The following CFAP46 variants were observed in gnomAD, a reference collection of about 807,000 sequenced individuals.
CFAP46 encodes the protein cilia and flagella associated protein 46.
Under a neutral mutation model 325.7 loss-of-function variants are expected in CFAP46, and 245 were observed. That is an observed-to-expected ratio of 0.75 (90% CI 0.68 to 0.84). The LOEUF is 0.84. CFAP46 is among the 40% of genes least tolerant of loss of function. The probability of loss-of-function intolerance (pLI) is 0.00; values close to 1 mark genes in which losing one functional copy is unlikely to be tolerated. For missense variants in CFAP46, 3,346 were observed against 3,543.0 expected, an observed-to-expected ratio of 0.94 and a Z score of 1.41; for synonymous variants, 1,523 against 1,495.9, an observed-to-expected ratio of 1.02 and a Z score of -0.42.
At position 132,924,688 on chromosome 10, in the gene CFAP46, C is replaced by A; in HGVS notation, c.1256+8G>T. The A allele has an allele frequency of 6.6e-7, 1 of 1,507,236 alleles. No homozygotes were observed. 93.4% of individuals were successfully genotyped at this position (1,507,236 alleles called of 1,614,324 possible). ...CTGTGGAGGACACAGCACAGGTGAG[C>A]GCCCCACCTGTCCAGCTTCTCCAGC... On this transcript the variant is annotated splice_region_variant and intron_variant, in intron 11 of 57. Coordinates refer to ENST00000368586, the MANE Select transcript of CFAP46 (RefSeq NM_001200049.3).
intron 39 of CFAP46, among the ~76,000 whole-genome samples, chr10:132,851,730 C>T (rs1394190081): frequency 6.6e-6 from 1 of 152,262 alleles, no homozygotes; most frequent in Non-Finnish European, 1.5e-5. Context: ...ACCGTGTGCA[C>T]GCGCCACACC....
chr10:132,820,934 C>T (rs866550644), intron 50 of CFAP46, among the ~76,000 whole-genome samples: 88 of 76,408 alleles, frequency 1.2e-3, no homozygotes, highest in African/African-American at 2.7e-3. Context: ...GCTGTGTGTG[C>T]GCTGATGTGT....
intron 50 of CFAP46, among the ~76,000 whole-genome samples, chr10:132,818,580 C>T (rs1353402141): frequency 2.0e-5 from 3 of 152,064 alleles, no homozygotes; most frequent in African/African-American, 4.8e-5. Flanking sequence ...AGGCCAGGTG[C>T]GGTGGTTCAT....
intron 50 of CFAP46, among the ~76,000 whole-genome samples, chr10:132,820,733 G>T (rs1229120788): frequency 3.8e-4 from 33 of 87,352 alleles, no homozygotes; most frequent in Non-Finnish European, 2.8e-4. Context: ...TGCTGTGTGT[G>T]CACTGATGTG....
At position 132,828,508 on chromosome 10, in the gene CFAP46, T is replaced by C. The variant is rs1333810303; in HGVS notation, c.7117+4850A>G. On this transcript the variant is annotated intron_variant, in intron 50 of 57. Transcript: ENST00000368586. This position sits in a 1 kb window ranked among gnomAD's most constrained non-coding sequence, Gnocchi z 4.9. ...GCTATCTAAATCTTTTCTCGTGAAG[T>C]ATCTGTTCAAATCTTTTTTAGGGTT... is the stretch of plus-strand genomic sequence containing the variant. 6.6e-6 allele frequency among the ~76,000 whole-genome samples: 1 copy of C among 152,236 alleles called. No homozygotes were observed. The highest frequency in any genetic ancestry group is 1.5e-5 in the Non-Finnish European group (1 of 68,042).
chr10:132,814,080 G>A (rs1847638797), intron 54 of CFAP46, 72 bp downstream of exon 54: 3 of 1,212,882 alleles, frequency 2.5e-6, no homozygotes, highest in African/African-American at 1.5e-5. Context: ...CCGGGGGTAG[G>A]GGGCAGTGGC....
chr10:132,855,877 TAGA>T lies in CFAP46; in HGVS notation c.5574+1710_5574+1712del, dbSNP rs1026107160. Among the ~76,000 whole-genome samples, 4 of 152,240 alleles carry T rather than the reference TAGA, an allele frequency of 2.6e-5. No individual in the cohort carries two copies. In the East Asian group the frequency reaches 5.8e-4, roughly 22 times the overall value. The stretch of plus-strand genomic sequence containing the variant: ...GCCAATTATCTTTTAGAGTGATTTT[TAGA>T]AGAAGAATTGGACACAATTTCCCCT... On this transcript the variant is annotated intron_variant, in intron 39 of 57. Transcript: ENST00000368586.
intron 22 of CFAP46, among the ~76,000 whole-genome samples, chr10:132,900,050 A>G (rs1409600603): frequency 6.6e-6 from 1 of 152,214 alleles, no homozygotes; most frequent in Non-Finnish European, 1.5e-5. Context: ...TGACTCTCAC[A>G]GTAACCTTAT....
At chr10:132,913,681 G>A (rs998783980) in intron 17 of CFAP46, among the ~76,000 whole-genome samples, 1 of 152,306 alleles carries the variant, frequency 6.6e-6, no homozygotes, top group African/African-American at 2.4e-5. Context: ...TGGTGTCTAA[G>A]TGTGAGACGG....
chr10:132,857,600 G>A lies in CFAP46; in HGVS notation c.5564C>T (p.Ser1855Leu). 1 of 1,613,330 alleles carries A rather than the reference G, an allele frequency of 6.2e-7. No individual in the cohort carries two copies. Among genetic ancestry groups the A allele is most frequent in the East Asian group, 2.2e-5 (1 of 44,874 alleles). ...AGGACACCTGCTTACGTCTTGAAGTGACAATAGGCCCTGGACGCTGTGAAG... is the reference window on the plus strand; with the variant it reads ...AGGACACCTGCTTACGTCTTGAAGTAACAATAGGCCCTGGACGCTGTGAAG... ...GRLHSVQGLL[S>L]LQDLQNVNTP... Residue 1855 changes from serine (S) to leucine (L), a missense_variant, in exon 39 of 58, where the codon TCA becomes TTA. Ser to Leu is a moderately radical substitution (Grantham distance 145). Coordinates refer to ENST00000368586, the MANE Select transcript of CFAP46 (RefSeq NM_001200049.3).
intron 50 of CFAP46, among the ~76,000 whole-genome samples, chr10:132,831,202 T>C (rs1591040600): frequency 7.1e-6 from 1 of 140,890 alleles, no homozygotes; most frequent in Non-Finnish European, 1.5e-5. Context: ...CAACTTAGGG[T>C]ATATCTTGTC....
chr10:132,821,481 CTG>C (rs1225948335), intron 50 of CFAP46, among the ~76,000 whole-genome samples: 3 of 126,518 alleles, frequency 2.4e-5, no homozygotes, highest in African/African-American at 3.2e-5. Context: ...GTTGTGTGTG[CTG>C]TGTGAGTGCT....
At chr10:132,870,443 G>A (rs1419471233) in intron 32 of CFAP46, among the ~76,000 whole-genome samples, 2 of 152,166 alleles carry the variant, frequency 1.3e-5, no homozygotes, top group Admixed American at 6.5e-5. Flanking sequence ...CTGCAAGCTC[G>A]GCCCCTGCAC....
intron 44 of CFAP46, among the ~76,000 whole-genome samples, chr10:132,844,690 C>A (rs981899448): frequency 1.3e-5 from 2 of 152,172 alleles, no homozygotes; most frequent in African/African-American, 4.8e-5. Context: ...ACACTGGTGT[C>A]CTTGGTCCCC....
At chr10:132,915,167 A>G (rs1433979791) in intron 17 of CFAP46, among the ~76,000 whole-genome samples, 1 of 152,224 alleles carries the variant, frequency 6.6e-6, no homozygotes, top group Non-Finnish European at 1.5e-5. Context: ...TGTCAAAGCC[A>G]CTCTCAGCTC....
At position 132,872,691 on chromosome 10, in the gene CFAP46, T is replaced by TC. The variant is rs1564786137; in HGVS notation, c.4495dup (p.Asp1499GlyfsTer24). On this transcript the variant is annotated frameshift_variant, in exon 32 of 58. Transcript: ENST00000368586. LOFTEE classifies it high-confidence loss of function. Reference sequence around the variant, plus strand: ...CTGTACCCACCGAAGGTGGTAGAGATCCGACAGGCCCTTGCTTCCCACCAC... The same window carrying TC: ...CTGTACCCACCGAAGGTGGTAGAGATCCCGACAGGCCCTTGCTTCCCACCAC... 1 of 1,550,614 alleles carries TC rather than the reference T, an allele frequency of 6.4e-7. No individual in the cohort carries two copies. The highest frequency in any genetic ancestry group is 8.7e-7 in the Non-Finnish European group (1 of 1,147,012).
Position 132,878,086 on chromosome 10 carries a change from A to T in CFAP46, c.4007T>A (p.Val1336Asp). 6.4e-7 allele frequency: 1 copy of T among 1,550,558 alleles called. No homozygotes were observed. Among genetic ancestry groups the T allele is most frequent in the Non-Finnish European group, 8.7e-7 (1 of 1,147,000 alleles). ...TGATTTTCCTGCTGTCATCAAAGAA[A>T]CCTGGTGGGGATGAAATCCACATTT... ...AYAFFRHIWQ[V>D]SLMTAGKSVL... Residue 1336 changes from valine to aspartate, a missense_variant and splice_region_variant, in exon 30 of 58, where the codon GTT becomes GAT. Physicochemically the swap from Val to Asp is radical, Grantham distance 152 (BLOSUM62 -3). Coordinates refer to ENST00000368586, the MANE Select transcript of CFAP46 (RefSeq NM_001200049.3).
At chr10:132,895,806 G>A (rs1224751296) in intron 24 of CFAP46, among the ~76,000 whole-genome samples, 6 of 152,368 alleles carry the variant, frequency 3.9e-5, no homozygotes, top group Admixed American at 3.3e-4. Flanking sequence ...GGAGGTAATT[G>A]ACGTTAGATA....
chr10:132,879,658 G>C, intron 28 of CFAP46, 27 bp from the exon 29 acceptor site: 1 of 1,477,548 alleles, frequency 6.8e-7, no homozygotes, highest in Middle Eastern at 2.5e-4. Flanking sequence ...CCGAGGCTGA[G>C]AGCAGGCCCG....
Sources: allele counts gnomAD v4.1 joint callset (sites outside exome capture counted in the v4.1 genomes callset), GRCh38; gene constraint gnomAD v4.1.1; non-coding constraint Gnocchi (gnomAD v3.1); transcripts MANE v1.5; gene names NCBI Gene and HGNC (gene_info 2026-07-23, HGNC 2026-07-21).